The following YWHAH variants were observed in gnomAD, a reference collection of about 807,000 sequenced individuals.
YWHAH encodes the protein tyrosine 3-monooxygenase/tryptophan 5-monooxygenase activation protein eta.
In YWHAH, 6 loss-of-function variants were observed where a neutral mutation model predicts 22.9. The ratio of observed to expected loss-of-function variants is 0.26; its 90% confidence interval spans 0.14 to 0.52. YWHAH has a LOEUF of 0.52. YWHAH is among the 20% of genes least tolerant of loss of function. YWHAH has a pLI of 0.97. For synonymous variants in YWHAH, 135 were observed against 124.5 expected (o/e 1.08, Z -0.56); for missense variants, 173 against 308.6 (o/e 0.56, Z 3.29).
chr22:31,945,041 C>T (rs2093831606), intron 1 of YWHAH: 2 of 1,116,932 alleles, frequency 1.8e-6, no homozygotes, highest in Admixed American at 4.9e-5. Context: ...GGGTGCAGTT[C>T]GGGATCGCGA....
Position 31,954,750 on chromosome 22 carries a change from G to A in YWHAH, c.88-1389G>A, listed in dbSNP as rs3788445. ...TCCACTGTCACATGGCATTCTTCCTGTGTGTGTGTCAAAATCTCACTATCC... is the reference window on the plus strand; with the variant it reads ...TCCACTGTCACATGGCATTCTTCCTATGTGTGTGTCAAAATCTCACTATCC... On this transcript the variant is annotated intron_variant, in intron 1 of 1. Coordinates refer to ENST00000248975, the MANE Select transcript of YWHAH (RefSeq NM_003405.4). Among the ~76,000 whole-genome samples the A allele has an allele frequency of 3.2e-4, 48 of 152,242 alleles. No individual in the cohort carries two copies. In the East Asian group the frequency reaches 8.9e-3, roughly 28 times the overall value.
intron 1 of YWHAH, among the ~76,000 whole-genome samples, chr22:31,949,550 T>C (rs1433700026): frequency 1.3e-5 from 2 of 151,118 alleles, no homozygotes; most frequent in Non-Finnish European, 2.9e-5. Context: ...CAGGCTGGAG[T>C]GCAGTGGCAG....
At chr22:31,945,615 A>G in intron 1 of YWHAH, 1 of 1,299,458 alleles carries the variant, frequency 7.7e-7, no homozygotes, top group South Asian at 1.2e-5. Flanking sequence ...TGGGTCACAC[A>G]CCACCTGCAT....
At chr22:31,946,848 AAT>A (rs2093835560) in intron 1 of YWHAH, among the ~76,000 whole-genome samples, 1 of 152,180 alleles carries the variant, frequency 6.6e-6, no homozygotes. Flanking sequence ...AGGAATCTAT[AAT>A]ATCTATATTT....
At position 31,944,658 on chromosome 22, in the gene YWHAH, G is replaced by C. The variant is rs1008815555; in HGVS notation, c.-76G>C. On this transcript the variant is annotated 5_prime_UTR_variant, in exon 1 of 2. Coordinates refer to ENST00000248975, the MANE Select transcript of YWHAH (RefSeq NM_003405.4). The stretch of plus-strand genomic sequence containing the variant: ...CGCGGCGGCGGCCTCCGCAGCGACC[G>C]GGGAGCGGACTGACCGGCGGGAGGG... The C allele has an allele frequency of 1.3e-5, 15 of 1,137,682 alleles. No individual in the cohort carries two copies. In the African/African-American group the frequency reaches 2.0e-4, roughly 15 times the overall value. 70.5% of individuals were successfully genotyped at this position (1,137,682 alleles called of 1,614,324 possible). A position where few individuals can be genotyped will look rare whatever the true frequency, so the allele number is the denominator to read the frequency against.
At position 31,944,646 on chromosome 22, in the gene YWHAH, T is replaced by C; in HGVS notation, c.-88T>C. On this transcript the variant is annotated 5_prime_UTR_variant, in exon 1 of 2. Coordinates refer to ENST00000248975, the MANE Select transcript of YWHAH (RefSeq NM_003405.4). The stretch of plus-strand genomic sequence containing the variant: ...CCAGTGCGCGTGCGCGGCGGCGGCC[T>C]CCGCAGCGACCGGGGAGCGGACTGA... 1 of 1,070,750 alleles carries C rather than the reference T, an allele frequency of 9.3e-7. No individual in the cohort carries two copies. Among genetic ancestry groups the C allele is most frequent in the Non-Finnish European group, 1.2e-6 (1 of 859,080 alleles). The allele number at this position is 1,070,750 out of a possible 1,614,324, so 66.3% of individuals were successfully genotyped here. A position where few individuals can be genotyped will look rare whatever the true frequency, so the allele number is the denominator to read the frequency against.
intron 1 of YWHAH, 121 bp downstream of exon 1, chr22:31,944,941 G>A: frequency 8.9e-7 from 1 of 1,122,322 alleles, no homozygotes; most frequent in Non-Finnish European, 1.1e-6. Flanking sequence ...GGCTGGGCGT[G>A]GCCGCCCGCC....
In YWHAH at chr22:31,949,002, G is replaced by A. The variant is rs992423761; in HGVS notation, c.87+4182G>A. Among the ~76,000 whole-genome samples the A allele has an allele frequency of 2.0e-5, 3 of 152,086 alleles. No homozygotes were observed. In the East Asian group the frequency reaches 5.8e-4, roughly 29 times the overall value. On this transcript the variant is annotated intron_variant, in intron 1 of 1. Coordinates refer to ENST00000248975, the MANE Select transcript of YWHAH (RefSeq NM_003405.4). ...CTTTGGTGGGGATTTTCTTTAGTTG[G>A]TCTTTGTCTGGGATTTTATATCAGT...
intron 1 of YWHAH, among the ~76,000 whole-genome samples, chr22:31,946,126 C>T (rs1041222050): frequency 1.3e-5 from 2 of 152,098 alleles, no homozygotes; most frequent in Non-Finnish European, 2.9e-5. Context: ...TTGTTACACA[C>T]ATAACTGGGT....
chr22:31,947,369 C>T, intron 1 of YWHAH: 1 of 462,584 alleles, frequency 2.2e-6, no homozygotes, highest in African/African-American at 2.0e-5. Flanking sequence ...GTTTTGCCTT[C>T]AGTCTTCTAA....
chr22:31,945,432 C>T, intron 1 of YWHAH: 1 of 1,303,714 alleles, frequency 7.7e-7, no homozygotes, highest in Non-Finnish European at 1.0e-6. Context: ...GTGTGGGGCC[C>T]CACTCCACAG....
intron 1 of YWHAH, among the ~76,000 whole-genome samples, chr22:31,948,860 T>A (rs2093838764): frequency 6.6e-6 from 1 of 152,230 alleles, no homozygotes; most frequent in Non-Finnish European, 1.5e-5. Flanking sequence ...CTTACGTGGC[T>A]TTCTTGCACT....
intron 1 of YWHAH, 83 bp downstream of exon 1, chr22:31,944,903 C>T (rs1431061520): frequency 4.2e-6 from 5 of 1,180,218 alleles, no homozygotes; most frequent in Non-Finnish European, 4.2e-6. Flanking sequence ...GCGCGTTCCC[C>T]TCCCGGCCAT....
chr22:31,951,118 C>T (rs1328175334), intron 1 of YWHAH, among the ~76,000 whole-genome samples: 1 of 152,046 alleles, frequency 6.6e-6, no homozygotes, highest in Non-Finnish European at 1.5e-5. Flanking sequence ...GTGTCGTACT[C>T]CCTGGCCTCA....
chr22:31,944,784 G>A lies in YWHAH; in HGVS notation c.51G>A (p.Ala17=). Residue 17 remains alanine, a synonymous_variant, in exon 1 of 2, where the codon GCG becomes GCA. Transcript: ENST00000248975. The part of the protein sequence containing the change: ...LLQRARLAEQ[A]ERYDDMASAM... ...AGCGGGCGCGGCTGGCCGAGCAGGC[G>A]GAGCGCTACGACGACATGGCCTCCG... 7.7e-6 allele frequency: 11 copies of A among 1,421,126 alleles called. No homozygotes were observed. The highest frequency in any genetic ancestry group is 4.0e-5 in the South Asian group (3 of 75,322). 88.0% of individuals were successfully genotyped at this position (1,421,126 alleles called of 1,614,324 possible).
chr22:31,956,895 T>C lies in YWHAH; in HGVS notation c.*103T>C, dbSNP rs1402038741. On this transcript the variant is annotated 3_prime_UTR_variant, in exon 2 of 2. Coordinates refer to ENST00000248975, the MANE Select transcript of YWHAH (RefSeq NM_003405.4). This position sits in a 1 kb window ranked among gnomAD's most constrained non-coding sequence, Gnocchi z 5.1. ...ATATCTAGTGCTAAACCTATCTGTATTGGCAGCACAGCTACTCAGATCTGC... is the reference window on the plus strand; with the variant it reads ...ATATCTAGTGCTAAACCTATCTGTACTGGCAGCACAGCTACTCAGATCTGC... 3.7e-6 allele frequency: 5 copies of C among 1,367,280 alleles called. No individual in the cohort carries two copies. In the Admixed American group the frequency reaches 1.4e-4, roughly 37 times the overall value. 84.7% of individuals were successfully genotyped at this position (1,367,280 alleles called of 1,614,324 possible).
Position 31,944,628 on chromosome 22 carries a change from G to C in YWHAH, c.-106G>C, listed in dbSNP as rs2093830358. The C allele has an allele frequency of 4.6e-6, 4 of 869,758 alleles. No individual in the cohort carries two copies. Among genetic ancestry groups the C allele is most frequent in the Non-Finnish European group, 5.9e-6 (4 of 682,674 alleles). 53.9% of individuals were successfully genotyped at this position (869,758 alleles called of 1,614,324 possible). ...CTCCGGCCGGCCGGCGAGCCAGTGC[G>C]CGTGCGCGGCGGCGGCCTCCGCAGC... On this transcript the variant is annotated 5_prime_UTR_variant, in exon 1 of 2. Coordinates refer to ENST00000248975, the MANE Select transcript of YWHAH (RefSeq NM_003405.4).
rs1250936952 is a variant in YWHAH, at chr22:31,945,473, G to A, written c.87+653G>A. 7 of 1,304,016 alleles carry A rather than the reference G, an allele frequency of 5.4e-6. No homozygotes were observed. In the East Asian group the frequency reaches 3.3e-4, roughly 62 times the overall value. The allele number at this position is 1,304,016 out of a possible 1,614,324, so 80.8% of individuals were successfully genotyped here. A position where few individuals can be genotyped will look rare whatever the true frequency, so the allele number is the denominator to read the frequency against. On this transcript the variant is annotated intron_variant, in intron 1 of 1. Coordinates refer to ENST00000248975, the MANE Select transcript of YWHAH (RefSeq NM_003405.4). ...GGTTTGCTGCTGCGCTGTCTGCTTG[G>A]AGATTAAAATGAAACGTGACTTCTA...
chr22:31,944,853 G>A (rs760319206), intron 1 of YWHAH, 33 bp downstream of exon 1: 2 of 1,207,438 alleles, frequency 1.7e-6, no homozygotes, highest in Non-Finnish European at 2.0e-6. Context: ...CGGCTGGCCG[G>A]GGGGGGCCTG....
Sources: gnomAD v4.1 joint callset for allele counts (sites outside exome capture counted in the v4.1 genomes callset) on GRCh38, gnomAD v4.1.1 for gene constraint, Gnocchi (gnomAD v3.1) non-coding constraint, MANE v1.5 for transcripts, NCBI Gene and HGNC (gene_info 2026-07-23, HGNC 2026-07-21) for gene names.